The following PIP4K2A variants were observed in gnomAD, a reference collection of about 807,000 sequenced individuals.
The protein encoded by PIP4K2A is phosphatidylinositol-5-phosphate 4-kinase type 2 alpha.
In PIP4K2A, 14 loss-of-function variants were observed where a neutral mutation model predicts 42.9. The observed-to-expected ratio is 0.33, with a 90% CI of 0.22 to 0.51. The LOEUF is 0.51. Ranked by LOEUF, PIP4K2A falls within the 20% of genes least tolerant of loss-of-function variation. The pLI is 0.97. For missense variants in PIP4K2A, 434 were observed against 519.8 expected (o/e 0.83, Z 1.61); for synonymous variants, 192 against 192.2 (o/e 1.00, Z 0.01).
At chr10:22,587,324 T>C (rs779990292) in intron 4 of PIP4K2A, among the ~76,000 whole-genome samples, 5 of 152,160 alleles carry the variant, frequency 3.3e-5, no homozygotes, top group Non-Finnish European at 7.3e-5. Context: ...TATGAGAGCC[T>C]CTCATCAACT....
chr10:22,541,766 C>T, intron 8 of PIP4K2A, 38 bp downstream of exon 8: 1 of 1,504,456 alleles, frequency 6.6e-7, no homozygotes. Context: ...AGTCAAACCA[C>T]TTCACATGCA....
At chr10:22,685,414 G>C (rs1045158713) in intron 1 of PIP4K2A, among the ~76,000 whole-genome samples, 1 of 152,152 alleles carries the variant, frequency 6.6e-6, no homozygotes, top group African/African-American at 2.4e-5. Context: ...AGTGAAAAGG[G>C]TTGGGCACAG....
intron 9 of PIP4K2A, 21 bp from the exon 10 acceptor site, chr10:22,537,302 G>C (rs1210234561): frequency 6.4e-7 from 1 of 1,556,630 alleles, no homozygotes. Flanking sequence ...TTTAAAAAAG[G>C]AAATATTGAC....
At chr10:22,669,656 T>C (rs925602533) in intron 1 of PIP4K2A, among the ~76,000 whole-genome samples, 4 of 152,148 alleles carry the variant, frequency 2.6e-5, no homozygotes, top group African/African-American at 7.2e-5. Context: ...GGAGAGGCCA[T>C]GCACACTCAG....
rs71394001 is a variant in PIP4K2A at position 22,561,565 on chromosome 10, G to GTTTTTTTTTTTTTTT, written c.678+6271_678+6285dup. On this transcript the variant is annotated intron_variant, in intron 6 of 9. Transcript: ENST00000376573. ...TATGTCACCAGAGATTCTCTACGCAGTTTTTTTTTTTTTTTTTTTTTTTTT... is the reference window on the plus strand; with the variant it reads ...TATGTCACCAGAGATTCTCTACGCAGTTTTTTTTTTTTTTTTTTTTTTTTTTTTTTTTTTTTTTTT... 8.8e-5 allele frequency among the ~76,000 whole-genome samples: 10 copies of GTTTTTTTTTTTTTTT among 113,500 alleles called. 5 individuals are homozygous for GTTTTTTTTTTTTTTT. The highest frequency in any genetic ancestry group is 1.4e-4 in the Non-Finnish European group (8 of 57,628). The allele number at this position is 113,500 out of a possible 152,430, so 74.5% of individuals were successfully genotyped here. A position where few individuals can be genotyped will look rare whatever the true frequency, so the allele number is the denominator to read the frequency against.
At chr10:22,675,901 C>A (rs985389783) in intron 1 of PIP4K2A, among the ~76,000 whole-genome samples, 1 of 152,198 alleles carries the variant, frequency 6.6e-6, no homozygotes, top group Non-Finnish European at 1.5e-5. Context: ...ACAAAAAAAT[C>A]ACATAATTTA....
intron 1 of PIP4K2A, among the ~76,000 whole-genome samples, chr10:22,640,962 A>G (rs1338679209): frequency 1.3e-5 from 2 of 152,256 alleles, no homozygotes; most frequent in Non-Finnish European, 2.9e-5. Flanking sequence ...TGGGAGAAAT[A>G]TAAAATTTTA....
chr10:22,694,222 C>T (rs113781252), intron 1 of PIP4K2A: 259 of 152,272 alleles, frequency 1.7e-3, no homozygotes, highest in African/African-American at 6.0e-3. Flanking sequence ...CAAGAAGAAA[C>T]TGTCAGAATG....
intron 8 of PIP4K2A, 131 bp downstream of exon 8, chr10:22,541,673 T>G: frequency 9.5e-7 from 1 of 1,054,684 alleles, no homozygotes; most frequent in Non-Finnish European, 1.3e-6. Flanking sequence ...CCCAAATCCA[T>G]TTCTTTGGAG....
intron 1 of PIP4K2A, 122 bp downstream of exon 1, chr10:22,714,061 A>T: frequency 9.7e-7 from 1 of 1,030,310 alleles, no homozygotes; most frequent in Non-Finnish European, 1.4e-6. Context: ...GCGGGCGAGC[A>T]GCCGGAGGTC....
At chr10:22,669,197 T>G (rs1255828631) in intron 1 of PIP4K2A, among the ~76,000 whole-genome samples, 1 of 151,208 alleles carries the variant, frequency 6.6e-6, no homozygotes, top group African/African-American at 2.4e-5. Context: ...AGAGAATGAG[T>G]AAAAAGGAAA....
intron 6 of PIP4K2A, among the ~76,000 whole-genome samples, chr10:22,564,765 G>C (rs1255573008): frequency 6.6e-6 from 1 of 152,172 alleles, no homozygotes; most frequent in Non-Finnish European, 1.5e-5. Flanking sequence ...GGCCAAAGAA[G>C]CCTCCACCAT....
At chr10:22,631,052 C>T (rs1407775710) in intron 1 of PIP4K2A, among the ~76,000 whole-genome samples, 1 of 152,212 alleles carries the variant, frequency 6.6e-6, no homozygotes, top group Non-Finnish European at 1.5e-5. Context: ...CAGAAAGCAG[C>T]ACAACAGGCC....
chr10:22,714,466 G>T lies in PIP4K2A; in HGVS notation c.-140C>A. 2 of 336,046 alleles carry T rather than the reference G, an allele frequency of 6.0e-6. No homozygotes were observed. Among genetic ancestry groups the T allele is most frequent in the South Asian group, 1.1e-4 (1 of 8,794 alleles). The allele number at this position is 336,046 out of a possible 1,614,324, so 20.8% of individuals were successfully genotyped here. ...CGCTCCGCTCCGCCCGCCGCCGCCG[G>T]CGCGCTCAGCCCCACTCGGCTCGCT... On this transcript the variant is annotated 5_prime_UTR_variant, in exon 1 of 10. Transcript: ENST00000376573.
At chr10:22,664,589 T>C (rs1181701492) in intron 1 of PIP4K2A, among the ~76,000 whole-genome samples, 1 of 152,034 alleles carries the variant, frequency 6.6e-6, no homozygotes, top group African/African-American at 2.4e-5. Context: ...TTAAATCTAT[T>C]AGTCTTTAAG....
chr10:22,662,374 T>C (rs760663246), intron 1 of PIP4K2A, among the ~76,000 whole-genome samples: 4 of 152,354 alleles, frequency 2.6e-5, no homozygotes, highest in South Asian at 4.1e-4. Flanking sequence ...GTTTTCTCTC[T>C]GGTTTGGGTG....
chr10:22,541,861 G>C lies in PIP4K2A; in HGVS notation c.979C>G (p.Leu327Val). The change falls in exon 8 of 10, where the codon CTG becomes GTG. Residue 327 changes from leucine to valine, a missense_variant. Transcript: ENST00000376573. ...PGNTLNSSPP[L>V]APGEFDPNID... ...TTCGGATCGAACTCCCCGGGAGCCAGGGGTGGTGAGCTGTTCAGTGTATTC... is the reference window on the plus strand; with the variant it reads ...TTCGGATCGAACTCCCCGGGAGCCACGGGTGGTGAGCTGTTCAGTGTATTC... 1 of 1,603,890 alleles carries C rather than the reference G, an allele frequency of 6.2e-7. No homozygotes were observed. Among genetic ancestry groups the C allele is most frequent in the Non-Finnish European group, 8.5e-7 (1 of 1,175,754 alleles).
At position 22,691,939 on chromosome 10, in the gene PIP4K2A, C is replaced by T. The variant is rs193163192; in HGVS notation, c.144+22244G>A. 8.7e-3 allele frequency: 1,330 copies of T among 152,448 alleles called. 4 individuals carry two copies. Among genetic ancestry groups the T allele is most frequent in the Non-Finnish European group, 0.012 (842 of 68,162 alleles). 9.4% of individuals were successfully genotyped at this position (152,448 alleles called of 1,614,324 possible). A position where few individuals can be genotyped will look rare whatever the true frequency, so the allele number is the denominator to read the frequency against. On this transcript the variant is annotated intron_variant, in intron 1 of 9. Transcript: ENST00000376573. ...ATCTTATAGACTAGCAGTCCCCAACCTTTCAGGCACCAGGGACTGGTTTTG... is the reference window on the plus strand; with the variant it reads ...ATCTTATAGACTAGCAGTCCCCAACTTTTCAGGCACCAGGGACTGGTTTTG...
intron 3 of PIP4K2A, among the ~76,000 whole-genome samples, chr10:22,595,533 G>A (rs1837615294): frequency 6.6e-6 from 1 of 152,176 alleles, no homozygotes; most frequent in African/African-American, 2.4e-5. Context: ...GAGGTGGGCG[G>A]ATCACTTGAG....
Sources: gnomAD v4.1 joint callset for allele counts (sites outside exome capture counted in the v4.1 genomes callset) on GRCh38, gnomAD v4.1.1 for gene constraint, MANE v1.5 for transcripts, NCBI Gene and HGNC (gene_info 2026-07-23, HGNC 2026-07-21) for gene names.